The following VPS53 variants were observed in gnomAD, a reference collection of about 807,000 sequenced individuals.
The protein encoded by VPS53 is VPS53 subunit of GARP complex.
In VPS53, 70 loss-of-function variants were observed where a neutral mutation model predicts 107.0. The ratio of observed to expected loss-of-function variants is 0.65; its 90% CI spans 0.54 to 0.80. The LOEUF (loss-of-function observed/expected upper bound fraction) is 0.80. Among genes scored for constraint, VPS53 ranks in the 30% least tolerant of loss-of-function variants. The probability of loss-of-function intolerance (pLI) is 0.00; values close to 1 mark genes in which losing one functional copy is unlikely to be tolerated. For missense variants in VPS53, 917 were observed against 1,049.4 expected (o/e 0.87, Z 1.74); for synonymous variants, 409 against 393.3 (o/e 1.04, Z -0.47).
At chr17:656,824 C>G (rs1971211069) in intron 5 of VPS53, 1 of 1,582,040 alleles carries the variant, frequency 6.3e-7, no homozygotes, top group Admixed American at 1.7e-5. Context: ...CCGCCAGTCT[C>G]TTGTCTCTCT....
At position 544,776 on chromosome 17, in the gene VPS53, C is replaced by A. The variant is rs541820228; in HGVS notation, c.1866+7096G>T. On this transcript the variant is annotated intron_variant, in intron 17 of 21. Transcript: ENST00000437048. ...CTTATTATCAACTCATACAGGTTAT[C>A]TAAGAAAATAAGCAATATGGAGGCC... Among the ~76,000 whole-genome samples, 4 of 152,204 alleles carry A rather than the reference C, an allele frequency of 2.6e-5. No homozygotes were observed. In the East Asian group the frequency reaches 7.7e-4, roughly 29 times the overall value.
intron 4 of VPS53, among the ~76,000 whole-genome samples, chr17:688,369 T>C (rs1441588569): frequency 1.3e-5 from 2 of 152,190 alleles, no homozygotes; most frequent in Admixed American, 6.6e-5. Context: ...TCCACCATGA[T>C]TGTAAGTTTC....
intron 17 of VPS53, chr17:538,482 T>G (rs1409065825): frequency 6.6e-6 from 1 of 152,268 alleles, no homozygotes; most frequent in Non-Finnish European, 1.5e-5. Context: ...ACACTATTTT[T>G]ACAGAGCTCT....
intron 4 of VPS53, among the ~76,000 whole-genome samples, chr17:693,087 T>A (rs149708189): frequency 4.6e-5 from 7 of 151,612 alleles, no homozygotes; most frequent in Non-Finnish European, 7.4e-5. Flanking sequence ...TAAGCCGAGA[T>A]CACACCACTG....
chr17:647,411 T>C (rs2143422248), intron 7 of VPS53, among the ~76,000 whole-genome samples: 1 of 152,354 alleles, frequency 6.6e-6, no homozygotes, highest in Non-Finnish European at 1.5e-5. Flanking sequence ...GCACGGGGCC[T>C]AGGATGTAGA....
In VPS53 at chr17:659,447, A is replaced by C. The variant is rs188922916; in HGVS notation, c.372+2362T>G. Among the ~76,000 whole-genome samples the C allele has an allele frequency of 8.0e-4, 121 of 152,046 alleles. 1 individual carries two copies. The highest frequency in any genetic ancestry group is 2.8e-3 in the Admixed American group (42 of 15,262). The stretch of plus-strand genomic sequence containing the variant: ...AGGTGTGCTCCACGACGCCTGGTTA[A>C]TTTTTGTATTTTTAGTAGAGACACG... On this transcript the variant is annotated intron_variant, in intron 5 of 21. Coordinates refer to ENST00000437048, the MANE Select transcript of VPS53 (RefSeq NM_001128159.3).
rs1342592468 is a variant in VPS53 at position 629,805 on chromosome 17, A to AC, written c.688-1575_688-1574insG. On this transcript the variant is annotated intron_variant, in intron 8 of 21. Transcript: ENST00000437048. ...AGAAAACTAAAAACAAAACAAAAAAAAAACCACACACACACACACACACAC... is the reference window on the plus strand; with the variant it reads ...AGAAAACTAAAAACAAAACAAAAAAACAAACCACACACACACACACACACAC... Among the ~76,000 whole-genome samples, 173 of 81,358 alleles carry AC rather than the reference A, an allele frequency of 2.1e-3. 2 individuals carry two copies. Among genetic ancestry groups the AC allele is most frequent in the East Asian group, 0.011 (36 of 3,186 alleles). 53.4% of individuals were successfully genotyped at this position (81,358 alleles called of 152,430 possible).
chr17:608,150 C>A (rs891261959), intron 11 of VPS53, among the ~76,000 whole-genome samples: 2 of 152,200 alleles, frequency 1.3e-5, no homozygotes, highest in Non-Finnish European at 2.9e-5. Flanking sequence ...GGACTGCAAG[C>A]CCAGGGGTTC....
chr17:661,934 A>C lies in VPS53; in HGVS notation c.286-39T>G, dbSNP rs1463453593. On this transcript the variant is annotated intron_variant, in intron 4 of 21. Transcript: ENST00000437048. Reference sequence around the variant, plus strand: ...AATACATGAAAAACAAAAAGTGGCTAGAGACAGCTCCAGTCACTAACTGTA... The same window carrying C: ...AATACATGAAAAACAAAAAGTGGCTCGAGACAGCTCCAGTCACTAACTGTA... The C allele has an allele frequency of 2.7e-6, 4 of 1,494,350 alleles. No individual in the cohort carries two copies. In the South Asian group the frequency reaches 3.7e-5, roughly 14 times the overall value. The allele number at this position is 1,494,350 out of a possible 1,614,324, so 92.6% of individuals were successfully genotyped here. A position where few individuals can be genotyped will look rare whatever the true frequency, so the allele number is the denominator to read the frequency against.
chr17:700,698 G>A (rs1448338910), intron 2 of VPS53, among the ~76,000 whole-genome samples: 1 of 152,086 alleles, frequency 6.6e-6, no homozygotes, highest in Admixed American at 6.6e-5. Context: ...AGGAAATGGT[G>A]CCCCCTAATG....
intron 7 of VPS53, among the ~76,000 whole-genome samples, chr17:650,491 C>T (rs915185780): frequency 2.1e-5 from 3 of 143,260 alleles, no homozygotes; most frequent in Non-Finnish European, 4.6e-5. Context: ...AGCAAGACTC[C>T]GTCTCAAAAA....
In VPS53 at chr17:623,520, G is replaced by T. The variant is rs754561131; in HGVS notation, c.1116+13C>A. 3 of 1,608,452 alleles carry T rather than the reference G, an allele frequency of 1.9e-6. No homozygotes were observed. The highest frequency in any genetic ancestry group is 2.2e-5 in the East Asian group (1 of 44,818). Reference sequence around the variant, plus strand: ...ACTGATTTCACGTGGCAGCTCCCTAGGGAAGGTCTTACCAGGGTCCCATCG... The same window carrying T: ...ACTGATTTCACGTGGCAGCTCCCTATGGAAGGTCTTACCAGGGTCCCATCG... On this transcript the variant is annotated intron_variant, in intron 11 of 21. Coordinates refer to ENST00000437048, the MANE Select transcript of VPS53 (RefSeq NM_001128159.3).
At position 526,225 on chromosome 17, in the gene VPS53, GA is replaced by G. The variant is rs11417356; in HGVS notation, c.2086-4488del. Among the ~76,000 whole-genome samples the G allele has an allele frequency of 8.8e-3, 1,311 of 148,830 alleles. 19 individuals are homozygous for G. Among genetic ancestry groups the G allele is most frequent in the African/African-American group, 0.031 (1,245 of 40,666 alleles). On this transcript the variant is annotated intron_variant, in intron 19 of 21. Coordinates refer to ENST00000437048, the MANE Select transcript of VPS53 (RefSeq NM_001128159.3). ...TGTCTTAGCATTCATTTGTTGGTAG[GA>G]AAAAAAAAATCAGTCATTATATTTT...
At chr17:536,898 TG>T (rs149251996) in intron 18 of VPS53, 129 bp downstream of exon 18, 15 of 1,181,462 alleles carry the variant, frequency 1.3e-5, no homozygotes, top group South Asian at 1.5e-5. Flanking sequence ...CTGTGCATGT[TG>T]GGGGGGTCAG....
intron 11 of VPS53, among the ~76,000 whole-genome samples, chr17:608,602 T>TTTTTC (rs1365064128): frequency 4.1e-5 from 6 of 147,996 alleles, no homozygotes; most frequent in African/African-American, 1.5e-4. Context: ...TATTTCTGCT[T>TTTTTC]TTTTCTTTTC....
At chr17:640,488 C>T (rs556629238) in intron 7 of VPS53, among the ~76,000 whole-genome samples, 18 of 152,260 alleles carry the variant, frequency 1.2e-4, no homozygotes, top group East Asian at 9.6e-4. Flanking sequence ...TCTTCTGCGT[C>T]GTTCAAGCTG....
In VPS53 at chr17:586,315, T is replaced by C. The variant is rs763070674; in HGVS notation, c.1268A>G (p.Lys423Arg). The change falls in exon 13 of 22, where the codon AAG (lysine) becomes AGG (arginine). Residue 423 changes from lysine to arginine, a missense_variant. Physicochemically the swap from Lys to Arg is conservative, Grantham distance 26. Transcript: ENST00000437048. The part of the protein sequence containing the change: ...PDNPFHGIVS[K>R]CFEPHLYVYI... ...CACGTAGAGATGAGGCTCAAAACAC[T>C]TGGAAACAATGCCATGAAATGGATT... is the stretch of plus-strand genomic sequence containing the variant. 3.1e-6 allele frequency: 5 copies of C among 1,614,098 alleles called. No homozygotes were observed. Among genetic ancestry groups the C allele is most frequent in the East Asian group, 4.5e-5 (2 of 44,880 alleles).
chr17:548,170 A>C (rs1393728338), intron 17 of VPS53, among the ~76,000 whole-genome samples: 1 of 152,226 alleles, frequency 6.6e-6, no homozygotes, highest in Non-Finnish European at 1.5e-5. Context: ...GCAGAAACTG[A>C]CCTAGCAGTG....
rs78007250 is a variant in VPS53, at chr17:609,221, T to C, written c.1117-7325A>G. Among the ~76,000 whole-genome samples, 752 of 152,304 alleles carry C rather than the reference T, an allele frequency of 4.9e-3. 6 individuals carry two copies. The highest frequency in any genetic ancestry group is 0.017 in the African/African-American group (718 of 41,586). ...TCGGCCTCTATGGATTTGCCTCTTT[T>C]GGGTATTTCCTATAGATGGAATCAT... On this transcript the variant is annotated intron_variant, in intron 11 of 21. Transcript: ENST00000437048.
Sources: allele counts gnomAD v4.1 joint callset (sites outside exome capture counted in the v4.1 genomes callset), GRCh38; gene constraint gnomAD v4.1.1; transcripts MANE v1.5; gene names NCBI Gene and HGNC (gene_info 2026-07-23, HGNC 2026-07-21).